The following TRIM64C variants were observed in gnomAD, a reference collection of about 807,000 sequenced individuals.
TRIM64C encodes the protein tripartite motif-containing protein 64C.
A neutral mutation model predicts 36.1 loss-of-function variants in TRIM64C; 25 were observed. The ratio of observed to expected loss-of-function variants is 0.69; its 90% CI spans 0.51 to 0.97. The LOEUF is 0.97. Ranked by LOEUF, TRIM64C falls within the 50% of genes least tolerant of loss-of-function variation. TRIM64C has a pLI of 0.00. For synonymous variants in TRIM64C, 212 were observed against 185.7 expected (o/e 1.14, Z -1.15); for missense variants, 489 against 536.8 (o/e 0.91, Z 0.88).
intron 5 of TRIM64C, among the ~76,000 whole-genome samples, chr11:49,055,084 CA>C (rs1369139165): frequency 6.6e-6 from 1 of 152,148 alleles, no homozygotes; most frequent in Non-Finnish European, 1.5e-5. Context: ...TCTTATTCTG[CA>C]GATAAAGTAT....
At position 49,053,862 on chromosome 11, in the gene TRIM64C, CT is replaced by C. The variant is rs769684604; in HGVS notation, c.1204del (p.Arg402GlyfsTer17). 11 of 1,551,780 alleles carry C rather than the reference CT, an allele frequency of 7.1e-6. No homozygotes were observed. The highest frequency in any genetic ancestry group is 8.7e-6 in the Non-Finnish European group (10 of 1,146,874). On this transcript the variant is annotated frameshift_variant, in exon 6 of 6. Transcript: ENST00000617704. LOFTEE classifies it low-confidence loss of function (END_TRUNC). ...NSPPLIQYVQ[R>X]PLGWVGVFLD... Reference sequence around the variant, plus strand: ...AAACACCCCAACCCAACCCAGAGGCCTTTGCACATACTGGATTAAAGGTGGA... The same window carrying C: ...AAACACCCCAACCCAACCCAGAGGCCTTGCACATACTGGATTAAAGGTGGA...
intron 5 of TRIM64C, 79 bp downstream of exon 5, chr11:49,055,231 C>A: frequency 6.6e-7 from 1 of 1,514,936 alleles, no homozygotes; most frequent in Non-Finnish European, 8.8e-7. Context: ...ACTAATAAAA[C>A]GTAAATGGGA....
Position 49,054,077 on chromosome 11 carries a change from C to A in TRIM64C, c.990G>T (p.Val330=), listed in dbSNP as rs1445875798. The A allele has an allele frequency of 1.9e-6, 3 of 1,551,558 alleles. No individual in the cohort carries two copies. In the South Asian group the frequency reaches 3.6e-5, roughly 18 times the overall value. ...MDPQGVESFA[V]WCAQAFTSGK... is the part of the protein sequence containing the mutation. ...CGGAGGTGAATGCTTGCGCACACCA[C>A]ACAGCAAAGCTCTCCACTCCTTGGG... The change falls in exon 6 of 6, where the codon GTG becomes GTT. Residue 330 remains valine, a synonymous_variant. Coordinates refer to ENST00000617704, the MANE Select transcript of TRIM64C (RefSeq NM_001206631.1).
At chr11:49,058,041 T>C (rs1378457081) in intron 2 of TRIM64C, 37 bp downstream of exon 2, 1 of 1,397,194 alleles carries the variant, frequency 7.2e-7, no homozygotes, top group Non-Finnish European at 9.7e-7. Flanking sequence ...TTTGTGTTTA[T>C]TTGCATAAAA....
Position 49,054,094 on chromosome 11 carries a change from C to T in TRIM64C, c.973G>A (p.Val325Met), listed in dbSNP as rs1854783465. The T allele has an allele frequency of 6.4e-7, 1 of 1,551,638 alleles. No homozygotes were observed. Among genetic ancestry groups the T allele is most frequent in the Non-Finnish European group, 8.7e-7 (1 of 1,146,862 alleles). Residue 325 changes from valine (V) to methionine (M), a missense_variant, in exon 6 of 6, where the codon GTG becomes ATG. Physicochemically the swap from Val to Met is conservative, Grantham distance 21. Transcript: ENST00000617704. ...GCACACCACACAGCAAAGCTCTCCA[C>T]TCCTTGGGGATCCATGGGTGCACTG... Reference protein sequence around the residue: ...HRSAPMDPQGVESFAVWCAQA... With the variant: ...HRSAPMDPQGMESFAVWCAQA...
chr11:49,055,026 A>T (rs1314352547), intron 5 of TRIM64C, among the ~76,000 whole-genome samples: 4 of 152,248 alleles, frequency 2.6e-5, no homozygotes, highest in Non-Finnish European at 4.4e-5. Flanking sequence ...TGATGCCACC[A>T]TGAAAACTAG....
At chr11:49,057,797 T>C in intron 2 of TRIM64C, 1 of 514,098 alleles carries the variant, frequency 1.9e-6, no homozygotes, top group Non-Finnish European at 3.7e-6. Flanking sequence ...CACCCAGTCT[T>C]AGTGAAAGGT....
At chr11:49,055,279 G>A in intron 5 of TRIM64C, 31 bp downstream of exon 5, 1 of 1,535,016 alleles carries the variant, frequency 6.5e-7, no homozygotes. Context: ...GAAATAATTT[G>A]AGGCTGGACT....
rs1445053302 is a variant in TRIM64C, at chr11:49,053,851, A to C, written c.1216T>G (p.Trp406Gly). Residue 406 changes from tryptophan to glycine, a missense_variant, in exon 6 of 6, where the codon TGG becomes GGG. Trp to Gly is a radical substitution (Grantham distance 184). Coordinates refer to ENST00000617704, the MANE Select transcript of TRIM64C (RefSeq NM_001206631.1). Reference sequence around the variant, plus strand: ...TCATAATCCAGAAACACCCCAACCCAACCCAGAGGCCTTTGCACATACTGG... The same window carrying C: ...TCATAATCCAGAAACACCCCAACCCCACCCAGAGGCCTTTGCACATACTGG... ...LIQYVQRPLG[W>G]VGVFLDYDNG... is the part of the protein sequence containing the mutation. The C allele has an allele frequency of 8.4e-6, 13 of 1,551,664 alleles. No individual in the cohort carries two copies. The East Asian group carries it at 2.7e-4, about 32-fold the overall frequency.
At chr11:49,055,846 A>G (rs1590644109) in intron 4 of TRIM64C, among the ~76,000 whole-genome samples, 1 of 152,122 alleles carries the variant, frequency 6.6e-6, no homozygotes, top group East Asian at 1.9e-4. Flanking sequence ...AAAACAAAGG[A>G]GTCTAATTCC....
Position 49,054,105 on chromosome 11 carries a change from T to A in TRIM64C, c.962A>T (p.Asp321Val), listed in dbSNP as rs1416027807. 2 of 1,551,608 alleles carry A rather than the reference T, an allele frequency of 1.3e-6. No homozygotes were observed. Among genetic ancestry groups the A allele is most frequent in the African/African-American group, 1.4e-5 (1 of 73,150 alleles). Residue 321 changes from aspartate (D) to valine (V), a missense_variant, in exon 6 of 6, where the codon GAT (aspartate) becomes GTT (valine). Asp to Val is a radical substitution (Grantham distance 152). Coordinates refer to ENST00000617704, the MANE Select transcript of TRIM64C (RefSeq NM_001206631.1). The part of the protein sequence containing the change: ...FGDDHRSAPM[D>V]PQGVESFAVW... Reference sequence around the variant, plus strand: ...AGCAAAGCTCTCCACTCCTTGGGGATCCATGGGTGCACTGCGATGGTCATC... The same window carrying A: ...AGCAAAGCTCTCCACTCCTTGGGGAACCATGGGTGCACTGCGATGGTCATC...
Position 49,055,442 on chromosome 11 carries a change from G to A in TRIM64C, c.762-35C>T, listed in dbSNP as rs193268217. 487 of 1,533,732 alleles carry A rather than the reference G, an allele frequency of 3.2e-4. 5 individuals are homozygous for A. In the African/African-American group the frequency reaches 6.3e-3, roughly 20 times the overall value. On this transcript the variant is annotated intron_variant, in intron 4 of 5. Transcript: ENST00000617704. ...AAAAATGGCCTCAGTTATATTTCCA[G>A]GACCAGAGCTAATCACACAGTCATA...
At chr11:49,057,912 T>G (rs1028149493) in intron 2 of TRIM64C, 166 bp downstream of exon 2, 15 of 556,774 alleles carry the variant, frequency 2.7e-5, no homozygotes. Context: ...TTGGCTAGCT[T>G]GTGTGGGCTT....
chr11:49,057,123 C>T, intron 3 of TRIM64C, 25 bp downstream of exon 3: 1 of 1,548,968 alleles, frequency 6.5e-7, no homozygotes, highest in Admixed American at 2.0e-5. Context: ...CTTCCTGTCT[C>T]TGAGGATGGA....
In TRIM64C at chr11:49,053,994, C is replaced by T. The variant is rs1213936633; in HGVS notation, c.1073G>A (p.Cys358Tyr). The change falls in exon 6 of 6, where the codon TGT (cysteine) becomes TAT (tyrosine). Residue 358 changes from cysteine to tyrosine, a missense_variant. Cys to Tyr is a radical substitution (Grantham distance 194). Coordinates refer to ENST00000617704, the MANE Select transcript of TRIM64C (RefSeq NM_001206631.1). ...THSSNWILGV[C>Y]RDSRTADTNI... is the part of the protein sequence containing the mutation. ...GGTATCTGCTGTCCTAGAATCTCGA[C>T]AGACTCCCAGAATCCAGTTGGAGGA... 6.4e-7 allele frequency: 1 copy of T among 1,551,584 alleles called. No homozygotes were observed. The highest frequency in any genetic ancestry group is 2.0e-5 in the Admixed American group (1 of 50,992).
At position 49,058,686 on chromosome 11, in the gene TRIM64C, C is replaced by T. The variant is rs1285072387; in HGVS notation, c.412+15G>A. On this transcript the variant is annotated intron_variant, in intron 1 of 5. Transcript: ENST00000617704. ...TTGATATTCTGTATAATTCAAACTG[C>T]CTTAGAGGCATCACGTACCCTGCAT... The T allele has an allele frequency of 5.1e-5, 79 of 1,542,418 alleles. No individual in the cohort carries two copies. Among genetic ancestry groups the T allele is most frequent in the Non-Finnish European group, 6.8e-5 (78 of 1,146,282 alleles).
At chr11:49,055,664 G>T (rs916236340) in intron 4 of TRIM64C, among the ~76,000 whole-genome samples, 6 of 152,040 alleles carry the variant, frequency 3.9e-5, no homozygotes, top group African/African-American at 1.2e-4. Flanking sequence ...AAAAGTCATT[G>T]CCTCCCTCTG....
intron 1 of TRIM64C, 68 bp downstream of exon 1, chr11:49,058,633 C>CT (rs1854842719): frequency 6.5e-7 from 1 of 1,529,180 alleles, no homozygotes; most frequent in Admixed American, 2.0e-5. Context: ...TCATCACCAT[C>CT]ATTATCACAG....
Position 49,056,389 on chromosome 11 carries a change from A to G in TRIM64C, c.739-8T>C. The G allele has an allele frequency of 6.5e-7, 1 of 1,539,504 alleles. No homozygotes were observed. Among genetic ancestry groups the G allele is most frequent in the Non-Finnish European group, 8.8e-7 (1 of 1,138,364 alleles). On this transcript the variant is annotated splice_region_variant and splice_polypyrimidine_tract_variant and intron_variant, in intron 3 of 5. Coordinates refer to ENST00000617704, the MANE Select transcript of TRIM64C (RefSeq NM_001206631.1). ...CGATATATTTCCCACATCCTGCAAA[A>G]AAAATAAAATGTAATGTTAATTATG...
Sources: gnomAD v4.1 joint callset for allele counts (sites outside exome capture counted in the v4.1 genomes callset) on GRCh38, gnomAD v4.1.1 for gene constraint, MANE v1.5 for transcripts, NCBI Gene and HGNC (gene_info 2026-07-23, HGNC 2026-07-21) for gene names.